Variants in DOK6 observed in about 807,000 individuals in gnomAD.
DOK6 encodes the protein docking protein 6.
A neutral mutation model predicts 44.0 loss-of-function variants in DOK6; 22 were observed. The observed-to-expected ratio is 0.50, with a 90% CI of 0.36 to 0.71. The LOEUF is 0.71. Ranked by LOEUF, DOK6 falls within the 30% of genes least tolerant of loss-of-function variation. The probability of loss-of-function intolerance (pLI) is 0.00; values close to 1 mark genes in which losing one functional copy is unlikely to be tolerated. For synonymous variants in DOK6, 166 were observed against 145.5 expected (o/e 1.14, Z -1.01); for missense variants, 340 against 416.4 (o/e 0.82, Z 1.60).
chr18:69,642,740 G>A (rs1037446941), intron 3 of DOK6, among the ~76,000 whole-genome samples: 5 of 152,044 alleles, frequency 3.3e-5, no homozygotes, highest in African/African-American at 1.2e-4. Flanking sequence ...GTTTCTCACA[G>A]CCTGACACGA....
chr18:69,745,412 T>TAC (rs1568113582), intron 6 of DOK6, among the ~76,000 whole-genome samples: 1 of 152,212 alleles, frequency 6.6e-6, no homozygotes. Context: ...TATGACAACA[T>TAC]ACACACATAT....
chr18:69,498,692 A>G (rs1383195473), intron 1 of DOK6, among the ~76,000 whole-genome samples: 1 of 152,156 alleles, frequency 6.6e-6, no homozygotes, highest in Admixed American at 6.5e-5. Flanking sequence ...AATTGGTTTA[A>G]GGTGATTTTT....
chr18:69,579,880 C>T (rs1983325912), intron 2 of DOK6, among the ~76,000 whole-genome samples: 1 of 152,154 alleles, frequency 6.6e-6, no homozygotes, highest in African/African-American at 2.4e-5. Context: ...GCCTCAACCC[C>T]CCAAATTGCT....
intron 5 of DOK6, among the ~76,000 whole-genome samples, chr18:69,714,108 G>T (rs937703167): frequency 1.2e-4 from 19 of 152,146 alleles, no homozygotes; most frequent in Admixed American, 3.9e-4. Context: ...ATAGACTACT[G>T]ATCTTTACCA....
At chr18:69,786,038 G>C (rs1000983109) in intron 7 of DOK6, among the ~76,000 whole-genome samples, 1 of 152,010 alleles carries the variant, frequency 6.6e-6, no homozygotes, top group African/African-American at 2.4e-5. Flanking sequence ...TATTTGGTTT[G>C]TTTATCAATT....
chr18:69,579,770 A>G (rs1018733472), intron 2 of DOK6, among the ~76,000 whole-genome samples: 1 of 151,914 alleles, frequency 6.6e-6, no homozygotes, highest in African/African-American at 2.4e-5. Context: ...TTTAGTGGAG[A>G]CGGGATTTTC....
At position 69,757,781 on chromosome 18, in the gene DOK6, T is replaced by G. The variant is rs79822982; in HGVS notation, c.764T>G (p.Met255Arg). 4.3e-4 allele frequency: 702 copies of G among 1,614,140 alleles called. 8 individuals are homozygous for G. The East Asian group carries it at 0.015, about 35-fold the overall frequency. ...ARLQTSLTEP[M>R]TLSKSISLPR... ...CTTCAGACAAGCTTGACTGAACCAA[T>G]GACATTATCCAAATCAATATCTCTT... Residue 255 changes from methionine to arginine, a missense_variant, in exon 7 of 8, where the codon ATG becomes AGG. Physicochemically the swap from Met to Arg is moderately conservative, Grantham distance 91. Transcript: ENST00000382713.
intron 1 of DOK6, among the ~76,000 whole-genome samples, chr18:69,558,197 A>G (rs976324089): frequency 6.6e-6 from 1 of 152,122 alleles, no homozygotes; most frequent in African/African-American, 2.4e-5. Flanking sequence ...CATCAGTTAT[A>G]GGGCCTAAAG....
chr18:69,645,217 C>T (rs933000578), intron 3 of DOK6, among the ~76,000 whole-genome samples: 2 of 152,148 alleles, frequency 1.3e-5, no homozygotes, highest in Non-Finnish European at 2.9e-5. Context: ...ACAGAACTGC[C>T]CCATCCCCAC....
At chr18:69,765,313 G>A (rs1979683919) in intron 7 of DOK6, among the ~76,000 whole-genome samples, 1 of 152,160 alleles carries the variant, frequency 6.6e-6, no homozygotes, top group Non-Finnish European at 1.5e-5. Flanking sequence ...ATTAAAACAT[G>A]AGCCACTTTC....
Position 69,605,076 on chromosome 18 carries a change from TTGTGTG to T in DOK6, c.289+5624_289+5629del, listed in dbSNP as rs71176987. Among the ~76,000 whole-genome samples the T allele has an allele frequency of 7.6e-3, 955 of 125,848 alleles. 2 individuals carry two copies. Among genetic ancestry groups the T allele is most frequent in the African/African-American group, 0.014 (478 of 33,318 alleles). The allele number at this position is 125,848 out of a possible 152,430, so 82.6% of individuals were successfully genotyped here. ...GAGACCCCTGTTAGGAGAGATCCCT[TTGTGTG>T]TGTGTGTGTGTGTGTGTGTGTGTGT... On this transcript the variant is annotated intron_variant, in intron 3 of 7. Coordinates refer to ENST00000382713, the MANE Select transcript of DOK6 (RefSeq NM_152721.6).
intron 1 of DOK6, among the ~76,000 whole-genome samples, chr18:69,547,467 G>A (rs924404546): frequency 1.3e-5 from 2 of 151,226 alleles, no homozygotes; most frequent in African/African-American, 2.4e-5. Flanking sequence ...GCACCAAGAG[G>A]ATGTTACTAA....
chr18:69,846,878 A>G lies in DOK6; in HGVS notation c.*5495A>G, dbSNP rs1982356084. The G allele has an allele frequency of 6.6e-6, 1 of 152,170 alleles. No homozygotes were observed. 9.4% of individuals were successfully genotyped at this position (152,170 alleles called of 1,614,324 possible). A position where few individuals can be genotyped will look rare whatever the true frequency, so the allele number is the denominator to read the frequency against. On this transcript the variant is annotated 3_prime_UTR_variant, in exon 8 of 8. Coordinates refer to ENST00000382713, the MANE Select transcript of DOK6 (RefSeq NM_152721.6). The stretch of plus-strand genomic sequence containing the variant: ...CAAGAATTGGGGAAATGACTTTTTT[A>G]CATTATAATACCTTATATATTAGGT...
intron 2 of DOK6, among the ~76,000 whole-genome samples, chr18:69,596,725 C>T (rs1018404308): frequency 3.3e-5 from 5 of 152,084 alleles, no homozygotes; most frequent in Non-Finnish European, 5.9e-5. Flanking sequence ...CCCAGTCCAA[C>T]CGTAACAAAA....
chr18:69,471,199 G>A (rs532064357), intron 1 of DOK6, among the ~76,000 whole-genome samples: 1 of 132,088 alleles, frequency 7.6e-6, no homozygotes, highest in Non-Finnish European at 1.5e-5. Context: ...GCGGTGAGCT[G>A]AGATCGCGCC....
At chr18:69,796,723 A>G (rs909184481) in intron 7 of DOK6, among the ~76,000 whole-genome samples, 1 of 152,224 alleles carries the variant, frequency 6.6e-6, no homozygotes, top group Non-Finnish European at 1.5e-5. Flanking sequence ...CAAAGCACAC[A>G]TGTCCAGAAA....
chr18:69,422,919 A>G (rs1197177585), intron 1 of DOK6, among the ~76,000 whole-genome samples: 1 of 152,246 alleles, frequency 6.6e-6, no homozygotes, highest in Non-Finnish European at 1.5e-5. Context: ...TATTTCAAGC[A>G]TGATGGAAAT....
chr18:69,764,117 A>G (rs1979644532), intron 7 of DOK6, among the ~76,000 whole-genome samples: 1 of 152,156 alleles, frequency 6.6e-6, no homozygotes, highest in Non-Finnish European at 1.5e-5. Flanking sequence ...CTTTATTTTC[A>G]TGAACACAGG....
chr18:69,492,740 T>G (rs1980769252), intron 1 of DOK6, among the ~76,000 whole-genome samples: 1 of 151,318 alleles, frequency 6.6e-6, no homozygotes, highest in African/African-American at 2.4e-5. Flanking sequence ...GCAAAGGACA[T>G]GGTTTCATTC....
Sources: gnomAD v4.1 joint callset for allele counts (sites outside exome capture counted in the v4.1 genomes callset) on GRCh38, gnomAD v4.1.1 for gene constraint, MANE v1.5 for transcripts, NCBI Gene and HGNC (gene_info 2026-07-23, HGNC 2026-07-21) for gene names.